Variants in AP1G1 observed in about 807,000 individuals in gnomAD.
AP1G1 encodes the protein AP-1 complex subunit gamma-1.
Under a neutral mutation model 108.3 loss-of-function variants are expected in AP1G1, and 7 were observed. The ratio of observed to expected loss-of-function variants is 0.06; its 90% CI spans 0.04 to 0.12. AP1G1 has a LOEUF of 0.12. Among genes scored for constraint, AP1G1 ranks in the 10% least tolerant of loss-of-function variants. AP1G1 has a pLI of 1.00. For synonymous variants in AP1G1, 379 were observed against 353.5 expected, an observed-to-expected ratio of 1.07 and a Z score of -0.81; for missense variants, 756 against 1,010.7, an observed-to-expected ratio of 0.75 and a Z score of 3.42.
intron 15 of AP1G1, among the ~76,000 whole-genome samples, chr16:71,749,064 G>A (rs1404728722): frequency 1.3e-5 from 2 of 151,896 alleles, no homozygotes; most frequent in East Asian, 2.0e-4. Flanking sequence ...CTGCCACCAC[G>A]CCCGGCCAAT....
Position 71,731,173 on chromosome 16 carries a change from A to G in AP1G1, c.*1885T>C, listed in dbSNP as rs571821911. 6.6e-6 allele frequency: 1 copy of G among 152,482 alleles called. No homozygotes were observed. The allele number at this position is 152,482 out of a possible 1,614,324, so 9.4% of individuals were successfully genotyped here. A position where few individuals can be genotyped will look rare whatever the true frequency, so the allele number is the denominator to read the frequency against. On this transcript the variant is annotated 3_prime_UTR_variant, in exon 23 of 23. Transcript: ENST00000299980. The stretch of plus-strand genomic sequence containing the variant: ...GGCAGAGCAGTTGTCTGAAATATGC[A>G]CTAGTCCACACTTACATTACTGAAA...
At chr16:71,792,336 A>C (rs1352317114) in intron 1 of AP1G1, among the ~76,000 whole-genome samples, 1 of 152,198 alleles carries the variant, frequency 6.6e-6, no homozygotes, top group African/African-American at 2.4e-5. Context: ...TCAGACTGAA[A>C]GAGAAGATAA....
intron 13 of AP1G1, among the ~76,000 whole-genome samples, chr16:71,752,718 T>C (rs911217959): frequency 6.6e-6 from 1 of 152,188 alleles, no homozygotes; most frequent in Non-Finnish European, 1.5e-5. Context: ...CCAAACTGCA[T>C]AGTAAAAAGA....
At chr16:71,779,282 G>A (rs1041997781) in intron 2 of AP1G1, among the ~76,000 whole-genome samples, 2 of 151,058 alleles carry the variant, frequency 1.3e-5, no homozygotes, top group Non-Finnish European at 2.9e-5. Flanking sequence ...TTCTGATGGA[G>A]TAAATTTGAC....
At chr16:71,780,001 T>G (rs1008120438) in intron 2 of AP1G1, among the ~76,000 whole-genome samples, 64 of 150,430 alleles carry the variant, frequency 4.3e-4, no homozygotes, top group Non-Finnish European at 8.0e-4. Flanking sequence ...TTTTGTTTTT[T>G]TTTTTTTTTT....
chr16:71,794,804 C>T (rs1051649365), intron 1 of AP1G1, among the ~76,000 whole-genome samples: 7 of 133,548 alleles, frequency 5.2e-5, no homozygotes, highest in African/African-American at 2.0e-4. Context: ...TTTTCTCATA[C>T]AGCAATACCA....
chr16:71,745,380 C>T, intron 18 of AP1G1, 93 bp downstream of exon 18: 1 of 1,604,746 alleles, frequency 6.2e-7, no homozygotes, highest in Non-Finnish European at 8.5e-7. Context: ...ATCAACCAAC[C>T]CAGGAACATT....
At chr16:71,771,777 G>C (rs905072914) in intron 4 of AP1G1, among the ~76,000 whole-genome samples, 2 of 152,156 alleles carry the variant, frequency 1.3e-5, no homozygotes, top group Admixed American at 6.5e-5. Flanking sequence ...ATACCTCTGA[G>C]TAAGATGACT....
intron 1 of AP1G1, among the ~76,000 whole-genome samples, chr16:71,803,532 T>C (rs572215162): frequency 6.6e-6 from 1 of 152,336 alleles, no homozygotes; most frequent in East Asian, 1.9e-4. Context: ...CTCCCACTTC[T>C]GGACCCTTCA....
rs1322879086 is a variant in AP1G1, at chr16:71,750,278, T to C, written c.1339A>G (p.Asn447Asp). ...GTATAGGCATGCATCTCCACACTAT[T>C]AGTTATTAACTGGATTAAATTGGGG... is the stretch of plus-strand genomic sequence containing the variant. ...AVPNLIQLITNSVEMHAYTVQ... is the reference protein window; with the variant it reads ...AVPNLIQLITDSVEMHAYTVQ... The change falls in exon 14 of 23, where the codon AAT becomes GAT. Residue 447 changes from asparagine to aspartate, a missense_variant. Physicochemically the swap from Asn to Asp is conservative, Grantham distance 23. Coordinates refer to ENST00000299980, the MANE Select transcript of AP1G1 (RefSeq NM_001128.6). 1 of 1,614,130 alleles carries C rather than the reference T, an allele frequency of 6.2e-7. No homozygotes were observed.
chr16:71,762,253 C>T (rs1567649839), intron 9 of AP1G1, among the ~76,000 whole-genome samples: 2 of 152,054 alleles, frequency 1.3e-5, no homozygotes, highest in African/African-American at 4.8e-5. Context: ...AGATAATCTG[C>T]TTTTCAAAAG....
At chr16:71,759,893 T>G (rs1328384762) in intron 10 of AP1G1, among the ~76,000 whole-genome samples, 2 of 151,798 alleles carry the variant, frequency 1.3e-5, no homozygotes, top group African/African-American at 2.4e-5. Flanking sequence ...AAGGCTGCCT[T>G]TCCCCCAAAA....
rs570049105 is a variant in AP1G1 at position 71,759,224 on chromosome 16, C to T, written c.975-303G>A. On this transcript the variant is annotated intron_variant, in intron 10 of 22. Coordinates refer to ENST00000299980, the MANE Select transcript of AP1G1 (RefSeq NM_001128.6). ...CTGTAATCCCAGCACTGTGGGAGGC[C>T]GAGGCAGGTGGATACCTGAGGTCAG... Among the ~76,000 whole-genome samples, 10 of 152,160 alleles carry T rather than the reference C, an allele frequency of 6.6e-5. No individual in the cohort carries two copies. In the South Asian group the frequency reaches 1.9e-3, roughly 28 times the overall value.
At chr16:71,790,012 C>T (rs569125511) in intron 1 of AP1G1, among the ~76,000 whole-genome samples, 3 of 151,910 alleles carry the variant, frequency 2.0e-5, no homozygotes, top group South Asian at 4.2e-4. Context: ...TCCCAGTACA[C>T]TGTGTGTATA....
chr16:71,758,812 T>C lies in AP1G1; in HGVS notation c.1084A>G (p.Lys362Glu). Residue 362 changes from lysine to glutamate, a missense_variant, in exon 11 of 23, where the codon AAA (lysine) becomes GAA (glutamate). Physicochemically the swap from Lys to Glu is moderately conservative, Grantham distance 56. Transcript: ENST00000299980. ...DCLKDLDVSI[K>E]RRAMELSFAL... ...GAAAGGCTCTCAGTTTGTTACCGTTTTATTGAGACATCCAAATCTTTAAGA... is the reference window on the plus strand; with the variant it reads ...GAAAGGCTCTCAGTTTGTTACCGTTCTATTGAGACATCCAAATCTTTAAGA... The C allele has an allele frequency of 6.3e-7, 1 of 1,583,500 alleles. No individual in the cohort carries two copies. The highest frequency in any genetic ancestry group is 8.6e-7 in the Non-Finnish European group (1 of 1,163,446).
At chr16:71,794,025 T>C (rs76384884) in intron 1 of AP1G1, among the ~76,000 whole-genome samples, 5 of 152,216 alleles carry the variant, frequency 3.3e-5, no homozygotes, top group Non-Finnish European at 7.4e-5. Flanking sequence ...GACCATAATG[T>C]GGTTTTATAA....
At chr16:71,775,153 A>G (rs1425410992) in intron 2 of AP1G1, among the ~76,000 whole-genome samples, 1 of 150,646 alleles carries the variant, frequency 6.6e-6, no homozygotes, top group Non-Finnish European at 1.5e-5. Context: ...CAGCCTCCCA[A>G]GTAAATGGGA....
intron 1 of AP1G1, among the ~76,000 whole-genome samples, chr16:71,805,426 G>C (rs1567667863): frequency 6.6e-6 from 1 of 152,150 alleles, no homozygotes; most frequent in African/African-American, 2.4e-5. Flanking sequence ...ACTCCAGCCT[G>C]GGAGACAGAG....
At chr16:71,794,835 CTTTT>C (rs55761928) in intron 1 of AP1G1, among the ~76,000 whole-genome samples, 1,045 of 39,596 alleles carry the variant, frequency 0.026, 5 homozygotes, top group Non-Finnish European at 0.036. Context: ...ATGAGAAGTG[CTTTT>C]TTTTTTTTTT....
Sources: allele counts gnomAD v4.1 joint callset (sites outside exome capture counted in the v4.1 genomes callset), GRCh38; gene constraint gnomAD v4.1.1; transcripts MANE v1.5; gene names NCBI Gene and HGNC (gene_info 2026-07-23, HGNC 2026-07-21).